The following DNALI1 variants were observed in gnomAD, a reference collection of about 807,000 sequenced individuals.
The protein encoded by DNALI1 is axonemal dynein light intermediate polypeptide 1.
A neutral mutation model predicts 33.9 loss-of-function variants in DNALI1; 31 were observed. That is an observed-to-expected ratio of 0.91 (90% CI 0.69 to 1.23). The LOEUF is 1.23. Ranked by LOEUF, DNALI1 falls within the 50% of genes most tolerant of loss-of-function variation. DNALI1 has a pLI of 0.00. For synonymous variants in DNALI1, 117 were observed against 129.2 expected, an observed-to-expected ratio of 0.91 and a Z score of 0.64; for missense variants, 305 against 323.8, an observed-to-expected ratio of 0.94 and a Z score of 0.44.
intron 3 of DNALI1, among the ~76,000 whole-genome samples, chr1:37,560,073 A>G (rs1442817327): frequency 6.6e-6 from 1 of 152,190 alleles, no homozygotes; most frequent in East Asian, 1.9e-4. Flanking sequence ...TGCTGCCAAC[A>G]TGTCTCGCCT....
Position 37,564,895 on chromosome 1 carries a change from G to A in DNALI1, c.742-131G>A, listed in dbSNP as rs920117196. ...GCTAATCTAGAAAATATGGATTTGGGGATCAAGGGGAAAAAGAACCCTTGG... is the reference window on the plus strand; with the variant it reads ...GCTAATCTAGAAAATATGGATTTGGAGATCAAGGGGAAAAAGAACCCTTGG... On this transcript the variant is annotated intron_variant, in intron 5 of 5. Coordinates refer to ENST00000652629, the MANE Select transcript of DNALI1 (RefSeq NM_003462.5). 5 of 900,026 alleles carry A rather than the reference G, an allele frequency of 5.6e-6. No homozygotes were observed. In the South Asian group the frequency reaches 5.7e-5, roughly 10 times the overall value. The allele number at this position is 900,026 out of a possible 1,614,324, so 55.8% of individuals were successfully genotyped here. A position where few individuals can be genotyped will look rare whatever the true frequency, so the allele number is the denominator to read the frequency against.
chr1:37,558,662 C>T (rs1421123660), intron 2 of DNALI1, among the ~76,000 whole-genome samples: 5 of 152,320 alleles, frequency 3.3e-5, no homozygotes, highest in Non-Finnish European at 2.9e-5. Flanking sequence ...GTTTTCACTG[C>T]CAAAGATGTT....
intron 2 of DNALI1, chr1:37,558,031 A>G: frequency 2.6e-6 from 1 of 390,130 alleles, no homozygotes; most frequent in Non-Finnish European, 4.6e-6. Flanking sequence ...CTTCTCCACT[A>G]AACTCCAGGA....
chr1:37,562,210 A>ATTC lies in DNALI1; in HGVS notation c.707_709dup (p.Ile236_Gln237insLeu). On this transcript the variant is annotated inframe_insertion, in exon 5 of 6. Coordinates refer to ENST00000652629, the MANE Select transcript of DNALI1 (RefSeq NM_003462.5). The surrounding 1 kb of genome is among the most constrained non-coding windows in gnomAD (Gnocchi z 5.8). ...GGAGGAGAAGAAGCACAATGAGGAG[A>ATTC]TTCAGTTCCTGAAGCGAACAAATCA... 1 of 1,613,776 alleles carries ATTC rather than the reference A, an allele frequency of 6.2e-7. No individual in the cohort carries two copies. The highest frequency in any genetic ancestry group is 1.3e-5 in the African/African-American group (1 of 75,010).
rs916629790 is a variant in DNALI1 at position 37,561,942 on chromosome 1, G to A, written c.577-139G>A. ...TGGCAGAGTTGTTTCCGCTGTAGAC[G>A]CTCCATGCCAGGCACTGACCTCCCA... On this transcript the variant is annotated intron_variant, in intron 4 of 5. Coordinates refer to ENST00000652629, the MANE Select transcript of DNALI1 (RefSeq NM_003462.5). This position sits in a 1 kb window ranked among gnomAD's most constrained non-coding sequence, Gnocchi z 4.6. 8.4e-6 allele frequency: 12 copies of A among 1,426,504 alleles called. No homozygotes were observed. Among genetic ancestry groups the A allele is most frequent in the African/African-American group, 2.8e-5 (2 of 70,436 alleles). The allele number at this position is 1,426,504 out of a possible 1,614,324, so 88.4% of individuals were successfully genotyped here.
At position 37,559,819 on chromosome 1, in the gene DNALI1, C is replaced by G. The variant is rs189020906; in HGVS notation, c.397+323C>G. Among the ~76,000 whole-genome samples the G allele has an allele frequency of 5.3e-3, 801 of 152,286 alleles. 9 individuals are homozygous for G. The highest frequency in any genetic ancestry group is 0.018 in the African/African-American group (766 of 41,558). On this transcript the variant is annotated intron_variant, in intron 3 of 5. Coordinates refer to ENST00000652629, the MANE Select transcript of DNALI1 (RefSeq NM_003462.5). The surrounding 1 kb of genome is among the most constrained non-coding windows in gnomAD (Gnocchi z 5.3). ...CACTCAGCATACGGAGGACCCGCACCGGCACTGGTCTCTGAGTTTCCTCAG... is the reference window on the plus strand; with the variant it reads ...CACTCAGCATACGGAGGACCCGCACGGGCACTGGTCTCTGAGTTTCCTCAG...
At chr1:37,560,634 A>G (rs771362209) in intron 3 of DNALI1, 1 of 152,100 alleles carries the variant, frequency 6.6e-6, no homozygotes, top group Non-Finnish European at 1.5e-5. Context: ...TAGACACAGT[A>G]ACAGTCTGAT....
At position 37,562,256 on chromosome 1, in the gene DNALI1, C is replaced by T. The variant is rs755088083; in HGVS notation, c.741+11C>T. 24 of 1,608,324 alleles carry T rather than the reference C, an allele frequency of 1.5e-5. No homozygotes were observed. Among genetic ancestry groups the T allele is most frequent in the East Asian group, 9.0e-5 (4 of 44,604 alleles). The stretch of plus-strand genomic sequence containing the variant: ...AATCAGCAGCTGAAGGTAATCAACG[C>T]GCAGGGTGGGGTGGAGGTGCCCCCT... On this transcript the variant is annotated intron_variant, in intron 5 of 5. Transcript: ENST00000652629. This position sits in a 1 kb window ranked among gnomAD's most constrained non-coding sequence, Gnocchi z 5.8.
chr1:37,560,976 C>G (rs1161145231), intron 3 of DNALI1: 1 of 152,598 alleles, frequency 6.6e-6, no homozygotes. Flanking sequence ...GTCTCCCAGC[C>G]CAGTCTCATT....
chr1:37,557,875 AG>A (rs1643392006), intron 2 of DNALI1, 127 bp downstream of exon 2: 1 of 1,335,354 alleles, frequency 7.5e-7, no homozygotes, highest in Non-Finnish European at 1.0e-6. Flanking sequence ...CAGAGCTCCT[AG>A]AACTTACATA....
At chr1:37,564,747 C>G (rs760305092) in intron 5 of DNALI1, among the ~76,000 whole-genome samples, 1 of 152,206 alleles carries the variant, frequency 6.6e-6, no homozygotes, top group African/African-American at 2.4e-5. Context: ...AAAGCCCTTA[C>G]AACAATGCAT....
Position 37,562,308 on chromosome 1 carries a change from G to A in DNALI1, c.741+63G>A. 6.4e-7 allele frequency: 1 copy of A among 1,554,770 alleles called. No individual in the cohort carries two copies. The highest frequency in any genetic ancestry group is 8.7e-7 in the Non-Finnish European group (1 of 1,149,558). ...CCCTGCGACCCAGCCCCACAGGCCAGGCATTCGGTTCCTTTTCCATGGCTT... is the reference window on the plus strand; with the variant it reads ...CCCTGCGACCCAGCCCCACAGGCCAAGCATTCGGTTCCTTTTCCATGGCTT... On this transcript the variant is annotated intron_variant, in intron 5 of 5. Transcript: ENST00000652629. This position sits in a 1 kb window ranked among gnomAD's most constrained non-coding sequence, Gnocchi z 5.8.
In DNALI1 at chr1:37,561,787, G is replaced by A; in HGVS notation, c.576+52G>A. 2.5e-6 allele frequency: 4 copies of A among 1,576,904 alleles called. No homozygotes were observed. Among genetic ancestry groups the A allele is most frequent in the Non-Finnish European group, 3.5e-6 (4 of 1,156,328 alleles). On this transcript the variant is annotated intron_variant, in intron 4 of 5. Transcript: ENST00000652629. This position sits in a 1 kb window ranked among gnomAD's most constrained non-coding sequence, Gnocchi z 4.6. ...GTCCCATCTCTTCTGTAAACCTCAG[G>A]GCCACATGCTTATCATTCCAGCACT... is the stretch of plus-strand genomic sequence containing the variant.
At chr1:37,558,791 A>T (rs1643401653) in intron 2 of DNALI1, among the ~76,000 whole-genome samples, 1 of 152,198 alleles carries the variant, frequency 6.6e-6, no homozygotes. Flanking sequence ...TTCTGCAGCC[A>T]CATTGATAAA....
rs1453269751 is a variant in DNALI1, at chr1:37,559,996, C to T, written c.397+500C>T. 6.6e-6 allele frequency among the ~76,000 whole-genome samples: 1 copy of T among 152,202 alleles called. No individual in the cohort carries two copies. The highest frequency in any genetic ancestry group is 2.4e-5 in the African/African-American group (1 of 41,454). On this transcript the variant is annotated intron_variant, in intron 3 of 5. Transcript: ENST00000652629. The surrounding 1 kb of genome is among the most constrained non-coding windows in gnomAD (Gnocchi z 5.3). ...GGAAGGTACTATGCCTGGATGTGCA[C>T]GTAGGCCGGATTTATGCTTCTCTCT...
rs1643387873 is a variant in DNALI1, at chr1:37,557,641, T to C, written c.120T>C (p.Pro40=). 1 of 1,613,994 alleles carries C rather than the reference T, an allele frequency of 6.2e-7. No individual in the cohort carries two copies. The highest frequency in any genetic ancestry group is 8.5e-7 in the Non-Finnish European group (1 of 1,179,958). The change falls in exon 2 of 6, where the codon CCT becomes CCC. Residue 40 remains proline, a synonymous_variant. Transcript: ENST00000652629. ...LLKVSPQQPG[P]SGSAPQPPKT... is the part of the protein sequence containing the mutation. ...AAGTCAGCCCCCAGCAGCCTGGACC[T>C]TCAGGTTCAGCCCCACAGCCACCCA...
Position 37,561,663 on chromosome 1 carries a change from C to A in DNALI1, c.504C>A (p.Tyr168Ter), listed in dbSNP as rs147235049. The change falls in exon 4 of 6, where the codon TAC (tyrosine) becomes TAA (stop). Residue 168 changes from tyrosine (Y) to a stop codon, truncating the protein, a stop_gained. Transcript: ENST00000652629. LOFTEE classifies it high-confidence loss of function. The surrounding 1 kb of genome is among the most constrained non-coding windows in gnomAD (Gnocchi z 4.6). ...CCATCGCTGCCTACCAGACCCTGTA[C>A]GAGAGCAGCGTGGCGTTTGGCATGA... ...RMTIAAYQTL[Y>*]ESSVAFGMRK... The A allele has an allele frequency of 1.2e-4, 187 of 1,613,936 alleles. No homozygotes were observed. The highest frequency in any genetic ancestry group is 1.1e-4 in the Non-Finnish European group (129 of 1,180,002).
In DNALI1 at chr1:37,565,394, A is replaced by G. The variant is rs144591452; in HGVS notation, c.*333A>G. The G allele has an allele frequency of 3.7e-4, 97 of 262,536 alleles. No homozygotes were observed. Among genetic ancestry groups the G allele is most frequent in the African/African-American group, 2.0e-3 (92 of 45,378 alleles). 16.3% of individuals were successfully genotyped at this position (262,536 alleles called of 1,614,324 possible). A position where few individuals can be genotyped will look rare whatever the true frequency, so the allele number is the denominator to read the frequency against. On this transcript the variant is annotated 3_prime_UTR_variant, in exon 6 of 6. Transcript: ENST00000652629. Reference sequence around the variant, plus strand: ...GCCACTGCTTTCTCATCATCACTCTATACCAATACTTATTTCTGGCCAAAT... The same window carrying G: ...GCCACTGCTTTCTCATCATCACTCTGTACCAATACTTATTTCTGGCCAAAT...
chr1:37,560,582 G>T (rs756865718), intron 3 of DNALI1: 1 of 152,142 alleles, frequency 6.6e-6, no homozygotes, highest in Non-Finnish European at 1.5e-5. Context: ...ATTGTTCAGG[G>T]TACAGGTCAA....
Sources: allele counts gnomAD v4.1 joint callset (sites outside exome capture counted in the v4.1 genomes callset), GRCh38; gene constraint gnomAD v4.1.1; non-coding constraint Gnocchi (gnomAD v3.1); transcripts MANE v1.5; gene names NCBI Gene and HGNC (gene_info 2026-07-23, HGNC 2026-07-21).